CSNK1G1: variants seen among roughly 807,000 people sequenced by gnomAD.
CSNK1G1 encodes casein kinase I isoform gamma-1.
In CSNK1G1, 22 loss-of-function variants were observed where a neutral mutation model predicts 59.6. The ratio of observed to expected loss-of-function variants is 0.37; its 90% confidence interval spans 0.26 to 0.53. The LOEUF (loss-of-function observed/expected upper bound fraction) is 0.53, where lower values mean the gene tolerates loss of function less well. Ranked by LOEUF, CSNK1G1 falls within the 20% of genes least tolerant of loss-of-function variation. CSNK1G1 has a pLI of 0.89. For missense variants in CSNK1G1, 384 were observed against 519.5 expected (o/e 0.74, Z 2.54); for synonymous variants, 179 against 177.1 (o/e 1.01, Z -0.08).
intron 10 of CSNK1G1, among the ~76,000 whole-genome samples, chr15:64,202,759 G>T (rs1232685588): frequency 6.6e-6 from 1 of 152,042 alleles, no homozygotes; most frequent in South Asian, 2.1e-4. Context: ...TCACCATCTT[G>T]CCCAGGCTGG....
At chr15:64,285,156 C>T (rs538590506) in intron 2 of CSNK1G1, among the ~76,000 whole-genome samples, 1 of 152,024 alleles carries the variant, frequency 6.6e-6, no homozygotes, top group South Asian at 2.1e-4. Flanking sequence ...CTAGATTTAA[C>T]TGGAAGCCCA....
rs113291818 is a variant in CSNK1G1 at position 64,266,958 on chromosome 15, T to C, written c.182-7717A>G. Among the ~76,000 whole-genome samples, 729 of 152,300 alleles carry C rather than the reference T, an allele frequency of 4.8e-3. 2 individuals carry two copies. Among genetic ancestry groups the C allele is most frequent in the African/African-American group, 0.015 (639 of 41,562 alleles). On this transcript the variant is annotated intron_variant, in intron 2 of 11. Coordinates refer to ENST00000303052, the MANE Select transcript of CSNK1G1 (RefSeq NM_022048.5). ...CTTCATGACATTCTCTAGGCAAAGA[T>C]GTTTTGGATGGGACCTCAAAAGCAA...
At chr15:64,337,829 T>C (rs1029613025) in intron 1 of CSNK1G1, among the ~76,000 whole-genome samples, 22 of 152,298 alleles carry the variant, frequency 1.4e-4, no homozygotes, top group Admixed American at 7.2e-4. Flanking sequence ...CATCAGCCCC[T>C]GATAACCTCT....
At chr15:64,338,728 A>AAC (rs1897528243) in intron 1 of CSNK1G1, among the ~76,000 whole-genome samples, 1 of 143,318 alleles carries the variant, frequency 7.0e-6, no homozygotes, top group Non-Finnish European at 1.5e-5. Flanking sequence ...AAAAAAAAAA[A>AAC]CACTTCTGGC....
At chr15:64,249,140 A>G (rs943894313) in intron 4 of CSNK1G1, among the ~76,000 whole-genome samples, 1 of 152,124 alleles carries the variant, frequency 6.6e-6, no homozygotes, top group Non-Finnish European at 1.5e-5. Flanking sequence ...AATAATAAAT[A>G]TATAAATAAA....
intron 4 of CSNK1G1, among the ~76,000 whole-genome samples, chr15:64,230,611 G>A (rs1596130268): frequency 6.6e-6 from 1 of 152,046 alleles, no homozygotes; most frequent in East Asian, 1.9e-4. Flanking sequence ...TCTAGGCTTG[G>A]GCCTATTTTC....
chr15:64,269,039 A>G (rs1434787927), intron 2 of CSNK1G1, among the ~76,000 whole-genome samples: 2 of 152,038 alleles, frequency 1.3e-5, no homozygotes, highest in Non-Finnish European at 2.9e-5. Context: ...ACCCACTACC[A>G]TTGTGCTGCC....
chr15:64,257,255 G>C (rs563467890), intron 3 of CSNK1G1, among the ~76,000 whole-genome samples: 2 of 152,146 alleles, frequency 1.3e-5, no homozygotes, highest in African/African-American at 4.8e-5. Flanking sequence ...AATATGTTAT[G>C]TAAGCTTATC....
intron 4 of CSNK1G1, among the ~76,000 whole-genome samples, chr15:64,238,518 A>AAAAAATATATATATATATATATAT (rs1555396879): frequency 1.2e-4 from 6 of 49,220 alleles, no homozygotes; most frequent in Non-Finnish European, 1.9e-4. Context: ...AAAAAAAAAA[A>AAAAAATATATATATATATATATAT]ATATATATAT....
intron 1 of CSNK1G1, among the ~76,000 whole-genome samples, chr15:64,334,019 ACACAAAGT>A (rs1455131190): frequency 6.6e-6 from 1 of 152,166 alleles, no homozygotes; most frequent in Non-Finnish European, 1.5e-5. Flanking sequence ...GATCTTAGAG[ACACAAAGT>A]CAACAAAGAA....
intron 4 of CSNK1G1, among the ~76,000 whole-genome samples, chr15:64,247,167 G>A (rs575012179): frequency 5.1e-4 from 78 of 152,238 alleles, no homozygotes; most frequent in African/African-American, 1.9e-3. Flanking sequence ...TTATGGATTG[G>A]AAAATTTTTA....
At chr15:64,268,749 T>C (rs1445820163) in intron 2 of CSNK1G1, among the ~76,000 whole-genome samples, 1 of 152,162 alleles carries the variant, frequency 6.6e-6, no homozygotes, top group East Asian at 1.9e-4. Context: ...CGCCACGGAA[T>C]GACATTCCTC....
At chr15:64,350,960 G>A (rs1279994882) in intron 1 of CSNK1G1, among the ~76,000 whole-genome samples, 1 of 151,546 alleles carries the variant, frequency 6.6e-6, no homozygotes, top group Non-Finnish European at 1.5e-5. Flanking sequence ...GGGCAGAAAT[G>A]AGTAGAGACA....
At chr15:64,336,576 AGAAAGAC>A (rs940522134) in intron 1 of CSNK1G1, among the ~76,000 whole-genome samples, 48 of 152,078 alleles carry the variant, frequency 3.2e-4, no homozygotes, top group Admixed American at 5.9e-4. Flanking sequence ...TGGGCAACTT[AGAAAGAC>A]TCCATCTCAA....
intron 4 of CSNK1G1, among the ~76,000 whole-genome samples, chr15:64,222,936 G>A (rs962075652): frequency 1.1e-4 from 17 of 152,174 alleles, no homozygotes; most frequent in Admixed American, 1.0e-3. Context: ...TTGAAGGAAA[G>A]AATTTTAAGG....
At chr15:64,303,474 G>A (rs1386147691) in intron 1 of CSNK1G1, among the ~76,000 whole-genome samples, 1 of 151,746 alleles carries the variant, frequency 6.6e-6, no homozygotes, top group African/African-American at 2.4e-5. Flanking sequence ...AATTAGGGCC[G>A]GGCACAGTGG....
chr15:64,305,707 A>G (rs997771737), intron 1 of CSNK1G1, among the ~76,000 whole-genome samples: 3 of 147,728 alleles, frequency 2.0e-5, no homozygotes, highest in Non-Finnish European at 4.4e-5. Flanking sequence ...AAAAAAAAAA[A>G]ACAAAAACAA....
At chr15:64,185,470 G>C (rs1049769055) in intron 10 of CSNK1G1, among the ~76,000 whole-genome samples, 1 of 152,214 alleles carries the variant, frequency 6.6e-6, no homozygotes, top group Non-Finnish European at 1.5e-5. Context: ...CTCTATCTAA[G>C]TGCCAAGGAA....
intron 4 of CSNK1G1, among the ~76,000 whole-genome samples, chr15:64,218,027 C>T (rs969058403): frequency 1.3e-5 from 2 of 151,204 alleles, no homozygotes; most frequent in Non-Finnish European, 3.0e-5. Context: ...GGCTCGCAAT[C>T]TCTGCCTCCC....
Sources: gnomAD v4.1 joint callset for allele counts (sites outside exome capture counted in the v4.1 genomes callset) on GRCh38, gnomAD v4.1.1 for gene constraint, MANE v1.5 for transcripts, NCBI Gene and HGNC (gene_info 2026-07-23, HGNC 2026-07-21) for gene names.